Variants in ANO10 observed in about 807,000 individuals in gnomAD.
ANO10 encodes the protein anoctamin 10.
ANO10 carries 77 observed loss-of-function variants against 74.7 expected under a neutral mutation model. That is an observed-to-expected ratio of 1.03 (90% CI 0.86 to 1.25). The LOEUF is 1.25. Among genes scored for constraint, ANO10 ranks in the 50% most tolerant of loss-of-function variants. The probability of loss-of-function intolerance (pLI) is 0.00; values close to 1 mark genes in which losing one functional copy is unlikely to be tolerated. For synonymous variants in ANO10, 279 were observed against 284.9 expected, an observed-to-expected ratio of 0.98 and a Z score of 0.21; for missense variants, 721 against 778.1, an observed-to-expected ratio of 0.93 and a Z score of 0.87.
At chr3:43,678,031 A>C (rs2084145356) in intron 1 of ANO10, among the ~76,000 whole-genome samples, 1 of 152,224 alleles carries the variant, frequency 6.6e-6, no homozygotes, top group Non-Finnish European at 1.5e-5. Context: ...TTATTTCCTG[A>C]TAAACCCACT....
intron 12 of ANO10, among the ~76,000 whole-genome samples, chr3:43,386,222 T>C (rs941806312): frequency 2.6e-5 from 4 of 152,160 alleles, no homozygotes; most frequent in African/African-American, 2.4e-5. Flanking sequence ...AGGAAGTGCC[T>C]CTGCTTCTGG....
At chr3:43,691,043 A>C in intron 1 of ANO10, 1 of 1,552,958 alleles carries the variant, frequency 6.4e-7, no homozygotes, top group Non-Finnish European at 8.7e-7. Flanking sequence ...GAGAGAGGTA[A>C]GCGCAGCCGG....
Position 43,438,695 on chromosome 3 carries a change from C to T in ANO10, c.1798-5968G>A, listed in dbSNP as rs144715796. 2.8e-3 allele frequency among the ~76,000 whole-genome samples: 426 copies of T among 151,638 alleles called. 2 individuals carry two copies. The highest frequency in any genetic ancestry group is 9.9e-3 in the African/African-American group (408 of 41,272). ...CCAGGAGGCAAAGGTTGCAGTGAGCCGAGATGGTGCCACTGCAATCCAGCC... is the reference window on the plus strand; with the variant it reads ...CCAGGAGGCAAAGGTTGCAGTGAGCTGAGATGGTGCCACTGCAATCCAGCC... On this transcript the variant is annotated intron_variant, in intron 11 of 12. Coordinates refer to ENST00000292246, the MANE Select transcript of ANO10 (RefSeq NM_018075.5).
chr3:43,468,061 G>A (rs142574361), intron 11 of ANO10, among the ~76,000 whole-genome samples: 52 of 152,234 alleles, frequency 3.4e-4, no homozygotes, highest in African/African-American at 1.2e-3. Flanking sequence ...CATATTTTAA[G>A]CTTTAATTAT....
chr3:43,678,571 C>A lies in ANO10; in HGVS notation c.-12+12946G>T, dbSNP rs1214617503. 2.0e-5 allele frequency among the ~76,000 whole-genome samples: 3 copies of A among 152,216 alleles called. No homozygotes were observed. In the South Asian group the frequency reaches 6.2e-4, roughly 32 times the overall value. ...CATGCAGCCCGCAGTCACATACCCC[C>A]TGCTTGCTCAATCGATCAGGACCAT... On this transcript the variant is annotated intron_variant, in intron 1 of 3. Transcript: ENST00000413397.
rs1486684986 is a variant in ANO10 at position 43,425,367 on chromosome 3, GGAA to G, written c.1914+7241_1914+7243del. 2.6e-5 allele frequency among the ~76,000 whole-genome samples: 4 copies of G among 151,166 alleles called. 1 individual carries two copies. The South Asian group carries it at 8.4e-4, about 32-fold the overall frequency. Reference sequence around the variant, plus strand: ...ACTTGAGAGCACAAATGGAGCGGGGGGAAGAAGTTCAGAAGTTCTTACGAAATG... The same window carrying G: ...ACTTGAGAGCACAAATGGAGCGGGGGGAAGTTCAGAAGTTCTTACGAAATG... On this transcript the variant is annotated intron_variant, in intron 12 of 12. Coordinates refer to ENST00000292246, the MANE Select transcript of ANO10 (RefSeq NM_018075.5).
intron 11 of ANO10, among the ~76,000 whole-genome samples, chr3:43,548,830 G>T (rs192748679): frequency 7.2e-4 from 110 of 152,256 alleles, no homozygotes; most frequent in Admixed American, 2.0e-3. Flanking sequence ...TAATTTCCAA[G>T]ATGTTACAGG....
chr3:43,641,352 C>T (rs1447155555), intron 1 of ANO10, among the ~76,000 whole-genome samples: 2 of 152,112 alleles, frequency 1.3e-5, no homozygotes, highest in Non-Finnish European at 2.9e-5. Flanking sequence ...TCACTGTTTA[C>T]AGTAGAAGAA....
At chr3:43,425,445 G>C (rs1035449450) in intron 12 of ANO10, among the ~76,000 whole-genome samples, 1 of 151,708 alleles carries the variant, frequency 6.6e-6, no homozygotes, top group Non-Finnish European at 1.5e-5. Flanking sequence ...ATTTAACACT[G>C]AATACTTAAA....
intron 2 of ANO10, among the ~76,000 whole-genome samples, chr3:43,602,780 T>C (rs1359873100): frequency 2.6e-5 from 4 of 152,248 alleles, no homozygotes; most frequent in African/African-American, 7.2e-5. Context: ...AGGGCTTATA[T>C]GGAGCTCATC....
intron 4 of ANO10, among the ~76,000 whole-genome samples, chr3:43,589,465 T>C (rs2081625950): frequency 6.6e-6 from 1 of 151,948 alleles, no homozygotes; most frequent in South Asian, 2.1e-4. Context: ...GGCGGGTGGA[T>C]CATCTGAGGT....
intron 11 of ANO10, among the ~76,000 whole-genome samples, chr3:43,463,390 AT>A (rs750947457): frequency 6.6e-5 from 10 of 152,196 alleles, no homozygotes; most frequent in Non-Finnish European, 1.5e-4. Context: ...AGCATTTATA[AT>A]TAAAGCTTAA....
intron 12 of ANO10, among the ~76,000 whole-genome samples, chr3:43,404,892 A>C (rs2092549115): frequency 6.6e-6 from 1 of 151,184 alleles, no homozygotes; most frequent in Non-Finnish European, 1.5e-5. Context: ...AAAAAAAAAA[A>C]AAACCACCAA....
At chr3:43,510,931 T>A (rs559238687) in intron 11 of ANO10, among the ~76,000 whole-genome samples, 1 of 152,180 alleles carries the variant, frequency 6.6e-6, no homozygotes, top group East Asian at 1.9e-4. Context: ...TAGGACACAA[T>A]CATATTTAGT....
intron 1 of ANO10, among the ~76,000 whole-genome samples, chr3:43,614,706 C>T (rs947714156): frequency 6.9e-6 from 1 of 145,184 alleles, no homozygotes; most frequent in Non-Finnish European, 1.5e-5. Flanking sequence ...ATTAAACGTT[C>T]ATACTCTTCA....
intron 11 of ANO10, among the ~76,000 whole-genome samples, chr3:43,492,826 T>C (rs778981373): frequency 3.3e-5 from 5 of 152,336 alleles, no homozygotes; most frequent in African/African-American, 4.8e-5. Flanking sequence ...AGTACACTTT[T>C]ACACTGTCGG....
intron 11 of ANO10, among the ~76,000 whole-genome samples, chr3:43,446,244 C>T (rs1262063864): frequency 6.6e-6 from 1 of 152,166 alleles, no homozygotes; most frequent in Non-Finnish European, 1.5e-5. Context: ...TAAATTTACT[C>T]CTTGTTGAAC....
At chr3:43,406,086 T>TA in intron 12 of ANO10, among the ~76,000 whole-genome samples, 1 of 152,218 alleles carries the variant, frequency 6.6e-6, no homozygotes. Context: ...CACAGACCGC[T>TA]ACTGTGATGG....
In ANO10 at chr3:43,381,698, C is replaced by T. The variant is rs1249432035; in HGVS notation, c.1915-14724G>A. 3.3e-5 allele frequency among the ~76,000 whole-genome samples: 5 copies of T among 152,202 alleles called. No homozygotes were observed. In the South Asian group the frequency reaches 6.2e-4, roughly 19 times the overall value. On this transcript the variant is annotated intron_variant, in intron 12 of 12. Transcript: ENST00000292246. ...TCAACAAAGAAACAACAGACTTAAA[C>T]TATACCCTAGAACAAATGGACTTAA...
Sources: gnomAD v4.1 joint callset for allele counts (sites outside exome capture counted in the v4.1 genomes callset) on GRCh38, gnomAD v4.1.1 for gene constraint, MANE v1.5 for transcripts, NCBI Gene and HGNC (gene_info 2026-07-23, HGNC 2026-07-21) for gene names.